The following GPC3 variants were observed in gnomAD, a reference collection of about 807,000 sequenced individuals.
GPC3 encodes glypican 3.
In GPC3, 3 loss-of-function variants were observed where a neutral mutation model predicts 34.4. That is an observed-to-expected ratio of 0.09 (90% CI 0.04 to 0.23). The LOEUF (loss-of-function observed/expected upper bound fraction) is 0.23, where lower values mean the gene tolerates loss of function less well. Ranked by LOEUF, GPC3 falls within the 10% of genes least tolerant of loss-of-function variation. GPC3 has a pLI of 1.00. For missense variants in GPC3, 351 were observed against 445.6 expected, an observed-to-expected ratio of 0.79 and a Z score of 1.91; for synonymous variants, 177 against 174.0, an observed-to-expected ratio of 1.02 and a Z score of -0.13.
chrX:133,654,706 C>T (rs1274202558), intron 6 of GPC3, among the ~76,000 whole-genome samples: 7 of 106,587 alleles, frequency 6.6e-5, no homozygotes, highest in East Asian at 2.9e-4. Context: ...AGTGAGACTC[C>T]GTCTCAAAAA....
At chrX:133,566,392 T>A (rs1406978244) in intron 7 of GPC3, among the ~76,000 whole-genome samples, 4 of 112,102 alleles carry the variant, frequency 3.6e-5, no homozygotes, top group Non-Finnish European at 5.6e-5. Flanking sequence ...AGAGGACATG[T>A]AAGGCTTGAC....
intron 2 of GPC3, chrX:133,763,758 A>T (rs2071821227): frequency 2.2e-6 from 1 of 455,054 alleles, no homozygotes; most frequent in South Asian, 3.0e-5. Flanking sequence ...CAAAAAAAAA[A>T]GTCAAAAAAC....
rs139884452 is a variant in GPC3 at position 133,747,713 on chromosome X, G to A, written c.1032+5769C>T. Among the ~76,000 whole-genome samples the A allele has an allele frequency of 8.9e-3, 993 of 111,809 alleles. 10 individuals carry two copies. The highest frequency in any genetic ancestry group is 0.031 in the African/African-American group (939 of 30,762). On this transcript the variant is annotated intron_variant, in intron 3 of 7. Coordinates refer to ENST00000370818, the MANE Select transcript of GPC3 (RefSeq NM_004484.4). Reference sequence around the variant, plus strand: ...TGAGGGCAACACAACAGAGTCATGTGCATCTTTCCAGCTACTCCCTCTGAT... The same window carrying A: ...TGAGGGCAACACAACAGAGTCATGTACATCTTTCCAGCTACTCCCTCTGAT...
At chrX:133,805,072 C>T (rs1009663266) in intron 2 of GPC3, among the ~76,000 whole-genome samples, 3 of 111,981 alleles carry the variant, frequency 2.7e-5, no homozygotes, top group African/African-American at 9.7e-5. Context: ...GTTACACAGA[C>T]GCAGGCATAT....
rs781765125 is a variant in GPC3, at chrX:133,710,173, GA to G, written c.1033-10146del. The stretch of plus-strand genomic sequence containing the variant: ...ACATGTTAGTTCTTGAAGTAAATTG[GA>G]ATCCAAAAAAGGAACAAATGTCCTA... On this transcript the variant is annotated intron_variant, in intron 3 of 7. Transcript: ENST00000370818. 7.2e-5 allele frequency among the ~76,000 whole-genome samples: 8 copies of G among 111,701 alleles called. No homozygotes were observed. In the East Asian group the frequency reaches 8.5e-4, roughly 12 times the overall value.
intron 3 of GPC3, among the ~76,000 whole-genome samples, chrX:133,702,598 C>G (rs896763141): frequency 1.8e-5 from 2 of 111,512 alleles, no homozygotes; most frequent in African/African-American, 6.5e-5. Context: ...CCCCTCCCCC[C>G]TCACCAACCC....
At chrX:133,864,885 A>T (rs1325742516) in intron 2 of GPC3, among the ~76,000 whole-genome samples, 1 of 112,669 alleles carries the variant, frequency 8.9e-6, no homozygotes, top group Admixed American at 9.4e-5. Flanking sequence ...GCATTTAAAT[A>T]GCTTATGGAA....
At chrX:133,627,169 TG>T (rs1275173527) in intron 6 of GPC3, among the ~76,000 whole-genome samples, 1 of 47,088 alleles carries the variant, frequency 2.1e-5, no homozygotes, top group Admixed American at 3.8e-4. Context: ...TGTCGCAGGG[TG>T]GGGGGAGGGG....
chrX:133,814,749 G>T (rs149645393), intron 2 of GPC3, among the ~76,000 whole-genome samples: 362 of 110,206 alleles, frequency 3.3e-3, no homozygotes, highest in Non-Finnish European at 5.8e-3. Context: ...TGTATTTTTA[G>T]TAGAGACGGG....
At chrX:133,848,938 G>C (rs1404684690) in intron 2 of GPC3, among the ~76,000 whole-genome samples, 1 of 110,954 alleles carries the variant, frequency 9.0e-6, no homozygotes, top group Non-Finnish European at 1.9e-5. Context: ...AGATAAAATG[G>C]GGGAAACATT....
intron 1 of GPC3, among the ~76,000 whole-genome samples, chrX:133,971,219 A>G (rs2076491662): frequency 8.9e-6 from 1 of 112,721 alleles, no homozygotes; most frequent in Non-Finnish European, 1.9e-5. Context: ...CTACATAGCA[A>G]TGATCTGAGG....
intron 2 of GPC3, among the ~76,000 whole-genome samples, chrX:133,927,198 G>A (rs767179618): frequency 9.0e-6 from 1 of 111,062 alleles, no homozygotes; most frequent in Non-Finnish European, 1.9e-5. Flanking sequence ...CAGATGGGTG[G>A]GAATATTATG....
intron 5 of GPC3, among the ~76,000 whole-genome samples, chrX:133,688,820 G>GT (rs901488624): frequency 9.0e-6 from 1 of 111,470 alleles, no homozygotes; most frequent in Non-Finnish European, 1.9e-5. Context: ...CTAGAAAGAG[G>GT]TTTTCACTAT....
intron 3 of GPC3, among the ~76,000 whole-genome samples, chrX:133,739,262 C>T (rs901241651): frequency 9.0e-6 from 1 of 110,862 alleles, no homozygotes; most frequent in Non-Finnish European, 1.9e-5. Context: ...TCACAGAAGT[C>T]GGGTAAATAT....
chrX:133,788,120 A>ATATATATATG (rs1345029532), intron 2 of GPC3, among the ~76,000 whole-genome samples: 18 of 81,775 alleles, frequency 2.2e-4, no homozygotes, highest in African/African-American at 9.4e-4. Flanking sequence ...ATATATATAT[A>ATATATATATG]TATGTATGTA....
chrX:133,741,241 C>T (rs1351285711), intron 3 of GPC3, among the ~76,000 whole-genome samples: 1 of 106,974 alleles, frequency 9.3e-6, no homozygotes, highest in African/African-American at 3.4e-5. Flanking sequence ...GGACTTTCAA[C>T]CCCTGGATTT....
chrX:133,571,360 T>C (rs1603166487), intron 7 of GPC3, among the ~76,000 whole-genome samples: 1 of 111,498 alleles, frequency 9.0e-6, no homozygotes, highest in Middle Eastern at 4.7e-3. Flanking sequence ...GGTGTCCTGA[T>C]AGCCATTTTC....
intron 2 of GPC3, among the ~76,000 whole-genome samples, chrX:133,894,163 T>C (rs774434825): frequency 5.4e-5 from 6 of 112,002 alleles, no homozygotes; most frequent in African/African-American, 1.9e-4. Flanking sequence ...TCTTGACCTT[T>C]TGATTTTACA....
At chrX:133,687,881 A>G (rs1280963631) in intron 5 of GPC3, among the ~76,000 whole-genome samples, 1 of 112,816 alleles carries the variant, frequency 8.9e-6, no homozygotes, top group Non-Finnish European at 1.9e-5. Flanking sequence ...ACTAATTTAT[A>G]GAAACTAAAA....
Sources: allele counts gnomAD v4.1 joint callset (sites outside exome capture counted in the v4.1 genomes callset), GRCh38; gene constraint gnomAD v4.1.1; transcripts MANE v1.5; gene names NCBI Gene and HGNC (gene_info 2026-07-23, HGNC 2026-07-21).